The following TRPM3 variants were observed in gnomAD, a reference collection of about 807,000 sequenced individuals.
TRPM3 encodes the protein long transient receptor potential channel 3.
TRPM3 carries 77 observed loss-of-function variants against 181.2 expected under a neutral mutation model. That is an observed-to-expected ratio of 0.42 (90% CI 0.35 to 0.51). TRPM3 has a LOEUF of 0.51. TRPM3 is among the 20% of genes least tolerant of loss of function. TRPM3 has a pLI of 0.01. For missense variants in TRPM3, 1,759 were observed against 2,196.7 expected, an observed-to-expected ratio of 0.80 and a Z score of 3.98; for synonymous variants, 745 against 796.4, an observed-to-expected ratio of 0.94 and a Z score of 1.09.
Position 70,864,466 on chromosome 9 carries a change from C to A in TRPM3, c.223G>T (p.Val75Phe). The A allele has an allele frequency of 6.9e-6, 10 of 1,453,626 alleles. No individual in the cohort carries two copies. Among genetic ancestry groups the A allele is most frequent in the Non-Finnish European group, 9.0e-6 (10 of 1,108,810 alleles). The allele number at this position is 1,453,626 out of a possible 1,614,324, so 90.0% of individuals were successfully genotyped here. The stretch of plus-strand genomic sequence containing the variant: ...TCTTTGGTGCTGGGTATGATGTGGA[C>A]ACATTCTCTTTTATAAAATGCTCTT... ...IERAFYKREC[V>F]HIIPSTKDPH... The change falls in exon 2 of 26, where the codon GTC becomes TTC. Residue 75 changes from valine to phenylalanine, a missense_variant. Val to Phe is a conservative substitution (Grantham distance 50). Transcript: ENST00000677713.
At chr9:70,614,917 T>C (rs2062553568) in intron 18 of TRPM3, among the ~76,000 whole-genome samples, 11 of 152,250 alleles carry the variant, frequency 7.2e-5, no homozygotes, top group Admixed American at 7.2e-4. Context: ...GTTACAGAGC[T>C]GAGCCGACTC....
intron 6 of TRPM3, among the ~76,000 whole-genome samples, chr9:70,802,865 C>T (rs1347118667): frequency 6.6e-6 from 1 of 151,928 alleles, no homozygotes; most frequent in Non-Finnish European, 1.5e-5. Context: ...AATATATTTT[C>T]TGTGTAGCAG....
At chr9:71,362,302 G>T (rs573156392) in intron 1 of TRPM3, among the ~76,000 whole-genome samples, 1 of 152,154 alleles carries the variant, frequency 6.6e-6, no homozygotes, top group African/African-American at 2.4e-5. Context: ...ACCTATAGCC[G>T]TTAACTGTCA....
At chr9:70,827,595 A>C (rs920923980) in intron 6 of TRPM3, 1 of 367,248 alleles carries the variant, frequency 2.7e-6, no homozygotes, top group Non-Finnish European at 5.0e-6. Flanking sequence ...GCATACACAT[A>C]CCCCAGATGG....
At chr9:70,937,764 T>C (rs1282682017) in intron 1 of TRPM3, among the ~76,000 whole-genome samples, 1 of 151,238 alleles carries the variant, frequency 6.6e-6, no homozygotes, top group Non-Finnish European at 1.5e-5. Context: ...ACAAAGCTCC[T>C]GGGGCCAGAG....
chr9:71,076,783 G>T (rs1269150687), intron 1 of TRPM3, among the ~76,000 whole-genome samples: 1 of 152,146 alleles, frequency 6.6e-6, no homozygotes, highest in African/African-American at 2.4e-5. Context: ...AATGTGAATT[G>T]TATCTGTGGC....
intron 1 of TRPM3, among the ~76,000 whole-genome samples, chr9:71,189,188 C>T (rs1468844974): frequency 1.3e-5 from 2 of 151,822 alleles, no homozygotes; most frequent in Non-Finnish European, 2.9e-5. Flanking sequence ...GTCCTTTAAA[C>T]TCAAACACCC....
chr9:70,848,533 A>C (rs1018097754), intron 3 of TRPM3, among the ~76,000 whole-genome samples: 2 of 152,222 alleles, frequency 1.3e-5, no homozygotes, highest in Non-Finnish European at 2.9e-5. Context: ...TCACTTACAT[A>C]CACATCACAT....
intron 12 of TRPM3, among the ~76,000 whole-genome samples, chr9:70,631,950 A>C (rs1276021767): frequency 2.0e-5 from 3 of 152,206 alleles, no homozygotes; most frequent in Non-Finnish European, 4.4e-5. Flanking sequence ...ATAGTTTTAC[A>C]GATGTATTAT....
At chr9:70,799,626 G>A (rs1049553048) in intron 6 of TRPM3, among the ~76,000 whole-genome samples, 2 of 152,146 alleles carry the variant, frequency 1.3e-5, no homozygotes, top group African/African-American at 4.8e-5. Context: ...ATATAGAATT[G>A]AATAACCTGA....
chr9:71,138,926 CTT>C (rs1476747002), intron 1 of TRPM3, among the ~76,000 whole-genome samples: 1 of 152,122 alleles, frequency 6.6e-6, no homozygotes, highest in Non-Finnish European at 1.5e-5. Context: ...GGGCCACTGA[CTT>C]TGCAAATTCT....
chr9:71,380,820 A>G (rs150391503), intron 1 of TRPM3, among the ~76,000 whole-genome samples: 2,024 of 152,218 alleles, frequency 0.013, 23 homozygotes, highest in Middle Eastern at 0.027. Flanking sequence ...CCTTTGGCCA[A>G]GAAGACCCCT....
intron 1 of TRPM3, among the ~76,000 whole-genome samples, chr9:71,027,169 C>T (rs2056661145): frequency 6.6e-6 from 1 of 152,140 alleles, no homozygotes; most frequent in South Asian, 2.1e-4. Flanking sequence ...AATATCAGTC[C>T]CCCAGAGTAA....
chr9:71,059,816 C>T (rs915602063), intron 1 of TRPM3, among the ~76,000 whole-genome samples: 23 of 152,126 alleles, frequency 1.5e-4, no homozygotes, highest in Non-Finnish European at 2.4e-4. Flanking sequence ...ACAAATTATA[C>T]GAGCCAATCC....
intron 1 of TRPM3, among the ~76,000 whole-genome samples, chr9:71,114,318 G>A (rs898052001): frequency 6.6e-6 from 1 of 152,140 alleles, no homozygotes; most frequent in African/African-American, 2.4e-5. Context: ...CAAATCTTCT[G>A]TGTGATAAAC....
intron 6 of TRPM3, among the ~76,000 whole-genome samples, chr9:70,822,291 A>G (rs1468598394): frequency 6.6e-6 from 1 of 152,082 alleles, no homozygotes; most frequent in Non-Finnish European, 1.5e-5. Flanking sequence ...CTTTTCTGTA[A>G]ACACTCCTTA....
At chr9:71,212,193 A>C (rs576098315) in intron 1 of TRPM3, among the ~76,000 whole-genome samples, 34 of 152,234 alleles carry the variant, frequency 2.2e-4, no homozygotes, top group Non-Finnish European at 4.0e-4. Flanking sequence ...CATGGCTCAC[A>C]GCAGCCTCAA....
Position 70,902,851 on chromosome 9 carries a change from C to T in TRPM3, c.178-38340G>A, listed in dbSNP as rs569790892. ...TTGGCTTGAATCACCTTAGAATAAG[C>T]CACAGAACGTATCTTAAGGGCTCAC... On this transcript the variant is annotated intron_variant, in intron 1 of 25. Coordinates refer to ENST00000677713, the MANE Select transcript of TRPM3 (RefSeq NM_001366145.2). 1.1e-3 allele frequency among the ~76,000 whole-genome samples: 172 copies of T among 152,280 alleles called. 1 individual carries two copies. The highest frequency in any genetic ancestry group is 4.1e-3 in the Admixed American group (62 of 15,302).
chr9:71,360,126 C>T (rs1442705239), intron 1 of TRPM3, among the ~76,000 whole-genome samples: 3 of 151,972 alleles, frequency 2.0e-5, no homozygotes, highest in African/African-American at 4.8e-5. Flanking sequence ...CATTATCATC[C>T]TAATCTTTAC....
Sources: allele counts gnomAD v4.1 joint callset (sites outside exome capture counted in the v4.1 genomes callset), GRCh38; gene constraint gnomAD v4.1.1; transcripts MANE v1.5; gene names NCBI Gene and HGNC (gene_info 2026-07-23, HGNC 2026-07-21).